Variants in MICAL3 observed in about 807,000 individuals in gnomAD.
MICAL3 encodes microtubule associated monooxygenase, calponin and LIM domain containing 3, also known as [F-actin]-monooxygenase MICAL3.
In MICAL3, 62 loss-of-function variants were observed where a neutral mutation model predicts 207.4. The ratio of observed to expected loss-of-function variants is 0.30; its 90% CI spans 0.24 to 0.37. The LOEUF is 0.37. Ranked by LOEUF, MICAL3 falls within the 10% of genes least tolerant of loss-of-function variation. The pLI is 1.00. For synonymous variants in MICAL3, 1,077 were observed against 1,069.3 expected (o/e 1.01, Z -0.14); for missense variants, 2,368 against 2,635.6 (o/e 0.90, Z 2.22).
intron 29 of MICAL3, among the ~76,000 whole-genome samples, chr22:17,805,106 G>A (rs2061977037): frequency 6.6e-6 from 1 of 152,212 alleles, no homozygotes; most frequent in African/African-American, 2.4e-5. Context: ...GATGGAAGCT[G>A]GAGACCCCCA....
intron 1 of MICAL3, among the ~76,000 whole-genome samples, chr22:17,956,685 G>C (rs931804023): frequency 6.6e-5 from 10 of 152,162 alleles, no homozygotes; most frequent in African/African-American, 2.4e-4. Context: ...ACTTAGCTCC[G>C]AGAAAAGAAG....
chr22:17,897,429 A>G (rs1930944144), intron 7 of MICAL3, among the ~76,000 whole-genome samples: 1 of 151,282 alleles, frequency 6.6e-6, no homozygotes, highest in Non-Finnish European at 1.5e-5. Flanking sequence ...ACTCAAAAAA[A>G]AAAAAAAAAA....
chr22:17,864,930 G>C lies in MICAL3; in HGVS notation c.2574C>G (p.Asn858Lys). 1 of 1,613,806 alleles carries C rather than the reference G, an allele frequency of 6.2e-7. No individual in the cohort carries two copies. Among genetic ancestry groups the C allele is most frequent in the Non-Finnish European group, 8.5e-7 (1 of 1,179,868 alleles). Residue 858 changes from asparagine (N) to lysine (K), a missense_variant, in exon 19 of 32, where the codon AAC becomes AAG. Around this residue, in one of 4 missense-constraint regions of MICAL3, gnomAD observed 1,770 missense variants for 1,863.2 expected, o/e 0.95. Coordinates refer to ENST00000441493, the MANE Select transcript of MICAL3 (RefSeq NM_015241.3). ...GATTDANGRA[N>K]AVASSTERTP... The stretch of plus-strand genomic sequence containing the variant: ...TTCTCTCAGTGGAGCTGGCCACGGC[G>C]TTGGCCCGTCCGTTTGCATCTGTGG...
intron 21 of MICAL3, among the ~76,000 whole-genome samples, chr22:17,830,459 G>C (rs904256362): frequency 1.3e-5 from 2 of 152,254 alleles, no homozygotes; most frequent in Admixed American, 6.5e-5. Flanking sequence ...CTCCTGAAAA[G>C]GGAACGTGCT....
At chr22:17,968,429 G>A (rs369155376) in intron 1 of MICAL3, among the ~76,000 whole-genome samples, 64 of 152,274 alleles carry the variant, frequency 4.2e-4, no homozygotes, top group African/African-American at 1.3e-3. Flanking sequence ...GAGCTGAGGC[G>A]CCAGAGCTCC....
chr22:18,016,491 C>G (rs1924060910), intron 1 of MICAL3, among the ~76,000 whole-genome samples: 1 of 150,552 alleles, frequency 6.6e-6, no homozygotes, highest in African/African-American at 2.4e-5. Context: ...AAAAGTCTCC[C>G]TCTGTGCCTT....
At chr22:18,007,640 C>T (rs981357160) in intron 1 of MICAL3, among the ~76,000 whole-genome samples, 1 of 152,000 alleles carries the variant, frequency 6.6e-6, no homozygotes, top group African/African-American at 2.4e-5. Flanking sequence ...AGCTATCTAC[C>T]ACTGGCTAGC....
chr22:17,899,401 T>C, intron 7 of MICAL3, 47 bp downstream of exon 7: 1 of 1,224,504 alleles, frequency 8.2e-7, no homozygotes, highest in Non-Finnish European at 1.2e-6. Context: ...CTTGGTGATA[T>C]TAACCACTTC....
intron 22 of MICAL3, among the ~76,000 whole-genome samples, chr22:17,824,065 G>C (rs1862267035): frequency 6.6e-6 from 1 of 151,110 alleles, no homozygotes; most frequent in Non-Finnish European, 1.5e-5. Context: ...CCCCTCCCCA[G>C]GAGCCGGCCC....
chr22:17,834,255 C>T (rs1261009840), intron 20 of MICAL3: 1 of 1,087,402 alleles, frequency 9.2e-7, no homozygotes, highest in African/African-American at 1.7e-5. Context: ...GTGAACATTT[C>T]TGAGCACCTA....
At chr22:17,806,581 T>C (rs1488928239) in intron 29 of MICAL3, among the ~76,000 whole-genome samples, 1 of 152,190 alleles carries the variant, frequency 6.6e-6, no homozygotes. Context: ...AAAAAAACCA[T>C]GTTGTCACTT....
chr22:17,795,539 A>G (rs992026411), intron 29 of MICAL3, among the ~76,000 whole-genome samples: 4 of 152,266 alleles, frequency 2.6e-5, no homozygotes, highest in African/African-American at 9.6e-5. Flanking sequence ...TATGTAGGCC[A>G]CATCCTCATA....
At chr22:18,008,745 C>G (rs1923558443) in intron 1 of MICAL3, among the ~76,000 whole-genome samples, 1 of 151,910 alleles carries the variant, frequency 6.6e-6, no homozygotes, top group Non-Finnish European at 1.5e-5. Context: ...TTAACTAATT[C>G]CAGACTGATT....
intron 1 of MICAL3, among the ~76,000 whole-genome samples, chr22:17,907,485 G>A (rs1039847263): frequency 2.6e-5 from 4 of 152,224 alleles, no homozygotes; most frequent in Non-Finnish European, 4.4e-5. Flanking sequence ...ACCTGCACAC[G>A]TGAGCTCCAA....
In MICAL3 at chr22:17,847,419, G is replaced by A. The variant is rs1924748409; in HGVS notation, c.2606-5402C>T. On this transcript the variant is annotated intron_variant, in intron 19 of 31. Coordinates refer to ENST00000441493, the MANE Select transcript of MICAL3 (RefSeq NM_015241.3). ...CATGTCTGTAAGTAGGATGGCTGCA[G>A]GGGTTCATTCATCCAATCACTGATT... 3.3e-5 allele frequency among the ~76,000 whole-genome samples: 5 copies of A among 152,246 alleles called. No individual in the cohort carries two copies. The South Asian group carries it at 1.0e-3, about 32-fold the overall frequency.
chr22:18,020,349 A>C (rs989251787), intron 1 of MICAL3: 2 of 151,376 alleles, frequency 1.3e-5, no homozygotes, highest in Non-Finnish European at 2.9e-5. Context: ...CCTTCAGATT[A>C]TGTTAAATTC....
chr22:17,966,009 A>C (rs186659945), intron 1 of MICAL3, among the ~76,000 whole-genome samples: 2 of 152,358 alleles, frequency 1.3e-5, no homozygotes, highest in Admixed American at 1.3e-4. Flanking sequence ...ACTGGGCCAC[A>C]GGGCACACAG....
intron 1 of MICAL3, among the ~76,000 whole-genome samples, chr22:17,994,712 ACT>A (rs1218922555): frequency 4.8e-5 from 7 of 145,164 alleles, no homozygotes; most frequent in African/African-American, 1.3e-4. Flanking sequence ...ACAGAGTAAG[ACT>A]CTGTCTCAAA....
chr22:17,794,633 C>T (rs980532181), intron 29 of MICAL3, among the ~76,000 whole-genome samples: 2 of 152,252 alleles, frequency 1.3e-5, no homozygotes, highest in Non-Finnish European at 2.9e-5. Context: ...TTCCTTCTGG[C>T]CCTTCTATGG....
Sources: allele counts gnomAD v4.1 joint callset (sites outside exome capture counted in the v4.1 genomes callset), GRCh38; gene constraint gnomAD v4.1.1; regional missense constraint gnomAD v4.1.1; transcripts MANE v1.5; gene names NCBI Gene and HGNC (gene_info 2026-07-23, HGNC 2026-07-21).